The following MEGF6 variants were observed in gnomAD, a reference collection of about 807,000 sequenced individuals.
The protein encoded by MEGF6 is multiple EGF like domains 6, also known as multiple epidermal growth factor-like domains protein 6.
MEGF6 carries 184 observed loss-of-function variants against 207.1 expected under a neutral mutation model. The ratio of observed to expected loss-of-function variants is 0.89; its 90% CI spans 0.79 to 1.00. The LOEUF is 1.00. Among genes scored for constraint, MEGF6 ranks in the 50% least tolerant of loss-of-function variants. The pLI is 0.00. For missense variants in MEGF6, 2,282 were observed against 2,202.9 expected, an observed-to-expected ratio of 1.04 and a Z score of -0.72; for synonymous variants, 1,038 against 910.0, an observed-to-expected ratio of 1.14 and a Z score of -2.53.
intron 4 of MEGF6, among the ~76,000 whole-genome samples, chr1:3,559,497 G>A (rs1285418416): frequency 1.4e-5 from 2 of 140,170 alleles, no homozygotes; most frequent in South Asian, 2.2e-4. Context: ...ACTCCAACCT[G>A]GACAAAGAGC....
intron 4 of MEGF6, among the ~76,000 whole-genome samples, chr1:3,578,502 T>C (rs1385506198): frequency 1.1e-4 from 17 of 149,468 alleles, no homozygotes; most frequent in Admixed American, 1.1e-3. Context: ...GCCTGCAGCC[T>C]GGATGTCACA....
rs925230136 is a variant in MEGF6 at position 3,511,609 on chromosome 1, C to T, written c.1055G>A (p.Gly352Glu). The T allele has an allele frequency of 2.5e-6, 4 of 1,612,380 alleles. No individual in the cohort carries two copies. Among genetic ancestry groups the T allele is most frequent in the Non-Finnish European group, 3.4e-6 (4 of 1,179,614 alleles). The change falls in exon 9 of 37, where the codon GGG (glycine) becomes GAG (glutamate). Residue 352 changes from glycine (G) to glutamate (E), a missense_variant. Physicochemically the swap from Gly to Glu is moderately conservative, Grantham distance 98. Transcript: ENST00000356575. ...CSHGCSHTSA[G>E]PLCTCPRGYE... ...GCCGCGGGGACATGTGCACAGGGGC[C>T]CAGCACTGGTGTGGCTGCAGCCATG...
chr1:3,583,261 TGACAACCCACAGCCACCA>T (rs1234549955), intron 3 of MEGF6, among the ~76,000 whole-genome samples: 11 of 145,478 alleles, frequency 7.6e-5, no homozygotes, highest in African/African-American at 1.3e-4. Context: ...CAGCATGTGC[TGACAACCCACAGCCACCA>T]GACAACCCAC....
At position 3,493,839 on chromosome 1, in the gene MEGF6, G is replaced by A. The variant is rs1035587674; in HGVS notation, c.4319C>T (p.Ala1440Val). The A allele has an allele frequency of 8.7e-6, 14 of 1,605,148 alleles. No homozygotes were observed. Among genetic ancestry groups the A allele is most frequent in the Admixed American group, 8.5e-5 (5 of 58,884 alleles). The stretch of plus-strand genomic sequence containing the variant: ...GAGACCGGTGACAGGGTCACAGGGT[G>A]CCCCCCCGTCACAGTCACAGCGCTG... Reference protein sequence around the residue: ...CHQRCDCDGGAPCDPVTGLCL... With the variant: ...CHQRCDCDGGVPCDPVTGLCL... Residue 1440 changes from alanine (A) to valine (V), a missense_variant, in exon 34 of 37, where the codon GCA becomes GTA. Coordinates refer to ENST00000356575, the MANE Select transcript of MEGF6 (RefSeq NM_001409.4).
chr1:3,531,754 T>C (rs1034806030), intron 4 of MEGF6, among the ~76,000 whole-genome samples: 1 of 151,136 alleles, frequency 6.6e-6, no homozygotes, highest in Non-Finnish European at 1.5e-5. Flanking sequence ...TGTGTGTTCT[T>C]GGAGCCAACA....
At chr1:3,508,885 G>C (rs1449551609) in intron 12 of MEGF6, among the ~76,000 whole-genome samples, 190 bp downstream of exon 12, 1 of 152,184 alleles carries the variant, frequency 6.6e-6, no homozygotes, top group South Asian at 2.1e-4. Flanking sequence ...GCCCGGTCCC[G>C]CCCGGCTCAG....
chr1:3,548,333 C>T (rs1040992456), intron 4 of MEGF6, among the ~76,000 whole-genome samples: 6 of 152,224 alleles, frequency 3.9e-5, no homozygotes, highest in African/African-American at 7.2e-5. Context: ...GAGCCCCGGG[C>T]GGGGCCAAAG....
chr1:3,576,404 C>G (rs1211575548), intron 4 of MEGF6, among the ~76,000 whole-genome samples: 1 of 152,224 alleles, frequency 6.6e-6, no homozygotes, highest in East Asian at 1.9e-4. Flanking sequence ...GTTCCTGTCT[C>G]CCTCCCCAAC....
At chr1:3,492,511 T>C (rs895182873) in intron 35 of MEGF6, 128 bp downstream of exon 35, 1 of 1,319,470 alleles carries the variant, frequency 7.6e-7, no homozygotes, top group African/African-American at 1.4e-5. Context: ...ACATTCGCTA[T>C]GTCTGAATAG....
chr1:3,513,656 T>A lies in MEGF6; in HGVS notation c.853+894A>T, dbSNP rs939072143. Among the ~76,000 whole-genome samples the A allele has an allele frequency of 6.4e-5, 9 of 140,610 alleles. 1 individual carries two copies. The highest frequency in any genetic ancestry group is 6.1e-4 in the Admixed American group (8 of 13,196). The allele number at this position is 140,610 out of a possible 152,430, so 92.2% of individuals were successfully genotyped here. ...CCCAGGCTGGAGTGCAGTGGTGTGA[T>A]CATAGCTCACTGCAGCCTTGACCTC... On this transcript the variant is annotated intron_variant, in intron 7 of 36. Transcript: ENST00000356575.
At chr1:3,610,468 G>A (rs1644309271) in intron 1 of MEGF6, among the ~76,000 whole-genome samples, 3 of 150,044 alleles carry the variant, frequency 2.0e-5, no homozygotes, top group Admixed American at 1.3e-4. Flanking sequence ...GGGCGCCAGC[G>A]ACTCCCCTCC....
chr1:3,491,435 C>G lies in MEGF6; in HGVS notation c.4517-476G>C, dbSNP rs116356157. ...GGGCAGCCTTTTGTCCCTGCACCAG[C>G]GCACAGGCTGCTGCCCCGCCCCTCC... is the stretch of plus-strand genomic sequence containing the variant. On this transcript the variant is annotated intron_variant, in intron 35 of 36. Coordinates refer to ENST00000356575, the MANE Select transcript of MEGF6 (RefSeq NM_001409.4). Among the ~76,000 whole-genome samples the G allele has an allele frequency of 4.6e-4, 70 of 152,230 alleles. 3 individuals carry two copies. In the South Asian group the frequency reaches 0.012, roughly 25 times the overall value.
Position 3,492,696 on chromosome 1 carries a change from G to A in MEGF6, c.4459C>T (p.Pro1487Ser), listed in dbSNP as rs778057635. 8.1e-6 allele frequency: 13 copies of A among 1,612,478 alleles called. No homozygotes were observed. The Admixed American group carries it at 1.3e-4, about 17-fold the overall frequency. The change falls in exon 35 of 37, where the codon CCT becomes TCT. Residue 1487 changes from proline to serine, a missense_variant. Transcript: ENST00000356575. Reference protein sequence around the residue: ...CDCGGGADCDPVSGQCHCVDG... With the variant: ...CDCGGGADCDSVSGQCHCVDG... ...ACACAGTGACACTGCCCACTGACAG[G>A]GTCGCAGTCAGCCCCACCCCCGCAG... is the stretch of plus-strand genomic sequence containing the variant.
rs756556060 is a variant in MEGF6, at chr1:3,499,227, G to A, written c.3005C>T (p.Ala1002Val). Reference protein sequence around the residue: ...AHTYGHNCSQACACFNGASCD... With the variant: ...AHTYGHNCSQVCACFNGASCD... ...GGAGGCCCCGTTAAAGCAGGCACAG[G>A]CCTGGCTGCAATTGTGCCCGTAGGT... Residue 1002 changes from alanine to valine, a missense_variant, in exon 24 of 37, where the codon GCC (alanine) becomes GTC (valine). Transcript: ENST00000356575. 1.2e-6 allele frequency: 2 copies of A among 1,605,952 alleles called. No homozygotes were observed. Among genetic ancestry groups the A allele is most frequent in the Non-Finnish European group, 1.7e-6 (2 of 1,177,482 alleles).
chr1:3,580,440 C>T (rs1643767620), intron 3 of MEGF6, among the ~76,000 whole-genome samples: 1 of 152,180 alleles, frequency 6.6e-6, no homozygotes, highest in Non-Finnish European at 1.5e-5. Flanking sequence ...GGAAAGGTCC[C>T]GGCAGGTGGG....
rs773249602 is a variant in MEGF6 at position 3,497,126 on chromosome 1, G to A, written c.3482-7C>T. On this transcript the variant is annotated splice_region_variant and splice_polypyrimidine_tract_variant and intron_variant, in intron 27 of 36. Coordinates refer to ENST00000356575, the MANE Select transcript of MEGF6 (RefSeq NM_001409.4). ...AAGCTGCCGGGTGGGCAGGCTGGGT[G>A]GAGACAGGCAGGGTCGGTCCTGGCC... is the stretch of plus-strand genomic sequence containing the variant. 3.4e-5 allele frequency: 54 copies of A among 1,574,682 alleles called. No individual in the cohort carries two copies. The highest frequency in any genetic ancestry group is 2.6e-6 in the Non-Finnish European group (3 of 1,157,652).
rs1482034907 is a variant in MEGF6 at position 3,489,744 on chromosome 1, C to T, written c.*784G>A. ...TAATGAATGCAGCCCCAGCGTTCTC[C>T]TCAATAGCACTGGGAACTGAGATGA... On this transcript the variant is annotated 3_prime_UTR_variant, in exon 37 of 37. Coordinates refer to ENST00000356575, the MANE Select transcript of MEGF6 (RefSeq NM_001409.4). 6.6e-6 allele frequency among the ~76,000 whole-genome samples: 1 copy of T among 152,214 alleles called. No homozygotes were observed. Among genetic ancestry groups the T allele is most frequent in the Non-Finnish European group, 1.5e-5 (1 of 68,028 alleles).
At chr1:3,524,444 G>A (rs1032615072) in intron 4 of MEGF6, among the ~76,000 whole-genome samples, 198 bp from the exon 5 acceptor site, 7 of 152,210 alleles carry the variant, frequency 4.6e-5, no homozygotes, top group African/African-American at 4.8e-5. Flanking sequence ...ACACCTGCTC[G>A]AGAAGGAAGA....
intron 4 of MEGF6, among the ~76,000 whole-genome samples, chr1:3,536,326 G>C (rs922109348): frequency 6.6e-6 from 1 of 151,620 alleles, no homozygotes; most frequent in Non-Finnish European, 1.5e-5. Context: ...CCACAGGCAG[G>C]ACATGGCTCT....
Sources: gnomAD v4.1 joint callset for allele counts (sites outside exome capture counted in the v4.1 genomes callset) on GRCh38, gnomAD v4.1.1 for gene constraint, MANE v1.5 for transcripts, NCBI Gene and HGNC (gene_info 2026-07-23, HGNC 2026-07-21) for gene names.